Variants in SGCZ observed in about 807,000 individuals in gnomAD.
SGCZ encodes zeta-sarcoglycan.
Under a neutral mutation model 41.3 loss-of-function variants are expected in SGCZ, and 40 were observed. That is an observed-to-expected ratio of 0.97 (90% CI 0.75 to 1.26). The LOEUF (loss-of-function observed/expected upper bound fraction) is 1.26, where lower values mean the gene tolerates loss of function less well. SGCZ is among the 50% of genes most tolerant of loss of function. The pLI is 0.00. For synonymous variants in SGCZ, 206 were observed against 137.5 expected (o/e 1.50, Z -3.49); for missense variants, 552 against 369.8 (o/e 1.49, Z -4.04).
intron 1 of SGCZ, among the ~76,000 whole-genome samples, chr8:15,004,209 T>A (rs143773972): frequency 1.6e-3 from 250 of 152,100 alleles, no homozygotes; most frequent in African/African-American, 5.1e-3. Context: ...AGGAGAAAAG[T>A]CCTAAGAGAT....
intron 1 of SGCZ, among the ~76,000 whole-genome samples, chr8:14,793,295 T>G (rs909348869): frequency 6.6e-6 from 1 of 152,204 alleles, no homozygotes; most frequent in Non-Finnish European, 1.5e-5. Flanking sequence ...ATGTCCCTGC[T>G]TCCATTCCTG....
chr8:14,563,143 CCA>C (rs1371707768), intron 1 of SGCZ, among the ~76,000 whole-genome samples: 3 of 152,156 alleles, frequency 2.0e-5, no homozygotes, highest in African/African-American at 4.8e-5. Flanking sequence ...GTCGCCTCCT[CCA>C]CAGTGTGCTT....
At chr8:14,329,929 C>T (rs1198480299) in intron 2 of SGCZ, among the ~76,000 whole-genome samples, 6 of 151,820 alleles carry the variant, frequency 4.0e-5, no homozygotes, top group Admixed American at 6.6e-5. Context: ...GTTTGTTTTT[C>T]AGAACAGCTC....
At chr8:14,397,286 T>A (rs1798946202) in intron 2 of SGCZ, among the ~76,000 whole-genome samples, 2 of 152,164 alleles carry the variant, frequency 1.3e-5, no homozygotes, top group African/African-American at 4.8e-5. Flanking sequence ...TCGAATATAG[T>A]ATTTCTGATG....
chr8:15,082,744 C>A (rs1805801445), intron 1 of SGCZ, among the ~76,000 whole-genome samples: 1 of 152,094 alleles, frequency 6.6e-6, no homozygotes, highest in Admixed American at 6.6e-5. Context: ...TTCCTACCTT[C>A]TTATTAAGTC....
At chr8:14,866,105 C>T (rs906945636) in intron 1 of SGCZ, among the ~76,000 whole-genome samples, 1 of 152,030 alleles carries the variant, frequency 6.6e-6, no homozygotes, top group African/African-American at 2.4e-5. Flanking sequence ...AAAGAATCTT[C>T]ACAGGTAACA....
chr8:14,558,331 T>G (rs1250010751), intron 1 of SGCZ, among the ~76,000 whole-genome samples: 2 of 152,092 alleles, frequency 1.3e-5, no homozygotes, highest in Non-Finnish European at 2.9e-5. Context: ...TCTCAGTACT[T>G]TTGGAAGCCA....
intron 1 of SGCZ, among the ~76,000 whole-genome samples, chr8:14,783,446 G>A (rs1205107517): frequency 2.0e-5 from 3 of 149,010 alleles, no homozygotes; most frequent in Non-Finnish European, 1.5e-5. Flanking sequence ...AAAAAAAAAA[G>A]AAGGAAAGAA....
chr8:14,475,371 T>C (rs950058257), intron 2 of SGCZ, among the ~76,000 whole-genome samples: 1 of 152,168 alleles, frequency 6.6e-6, no homozygotes, highest in Non-Finnish European at 1.5e-5. Context: ...AATTTTGTAA[T>C]TTGTATATGA....
At chr8:14,355,328 A>C (rs1803255524) in intron 2 of SGCZ, among the ~76,000 whole-genome samples, 1 of 152,100 alleles carries the variant, frequency 6.6e-6, no homozygotes, top group Non-Finnish European at 1.5e-5. Flanking sequence ...ATTCCACATA[A>C]ATTCATAATT....
chr8:14,101,452 T>C lies in SGCZ; in HGVS notation c.744+924A>G, dbSNP rs117199797. ...TCCAGAATTGGTAAAAATGTGATTC[T>C]GCAGATAACAATAATCATGTATACT... On this transcript the variant is annotated intron_variant, in intron 7 of 7. Transcript: ENST00000382080. Among the ~76,000 whole-genome samples, 645 of 151,976 alleles carry C rather than the reference T, an allele frequency of 4.2e-3. 1 individual carries two copies. The highest frequency in any genetic ancestry group is 4.3e-3 in the Non-Finnish European group (291 of 67,834).
chr8:14,616,463 C>T (rs1359962509), intron 1 of SGCZ, among the ~76,000 whole-genome samples: 3 of 152,006 alleles, frequency 2.0e-5, no homozygotes, highest in African/African-American at 7.2e-5. Flanking sequence ...TAGGTTTACA[C>T]AGTAAAAAAA....
intron 1 of SGCZ, among the ~76,000 whole-genome samples, chr8:14,938,376 C>T (rs1468248659): frequency 6.6e-6 from 1 of 152,106 alleles, no homozygotes; most frequent in Admixed American, 6.6e-5. Flanking sequence ...ACCAATCCCT[C>T]CTCTTCCTCC....
chr8:15,031,025 T>G (rs773818939), intron 1 of SGCZ, among the ~76,000 whole-genome samples: 1 of 152,084 alleles, frequency 6.6e-6, no homozygotes, highest in African/African-American at 2.4e-5. Flanking sequence ...CCGAATTTTA[T>G]TTTAGTTTGT....
intron 2 of SGCZ, among the ~76,000 whole-genome samples, chr8:14,355,692 T>C (rs1046284376): frequency 6.6e-6 from 1 of 151,992 alleles, no homozygotes; most frequent in African/African-American, 2.4e-5. Flanking sequence ...TGAAGGTCAT[T>C]AACAAGTTTT....
chr8:14,579,903 T>C (rs145676178), intron 1 of SGCZ, among the ~76,000 whole-genome samples: 2 of 152,254 alleles, frequency 1.3e-5, no homozygotes, highest in Admixed American at 6.5e-5. Context: ...TAAGCAGATG[T>C]TTTATGTGCC....
intron 1 of SGCZ, among the ~76,000 whole-genome samples, chr8:14,837,713 T>C (rs971332451): frequency 6.6e-6 from 1 of 152,180 alleles, no homozygotes; most frequent in Non-Finnish European, 1.5e-5. Context: ...TTTTTTAAAT[T>C]TCTGTATATT....
intron 2 of SGCZ, among the ~76,000 whole-genome samples, chr8:14,390,613 G>A (rs1804736736): frequency 6.6e-6 from 1 of 151,734 alleles, no homozygotes; most frequent in South Asian, 2.1e-4. Flanking sequence ...GAAACAGTAT[G>A]GCATGTAGAT....
intron 2 of SGCZ, among the ~76,000 whole-genome samples, chr8:14,358,802 G>A (rs998202962): frequency 2.0e-5 from 3 of 151,854 alleles, no homozygotes; most frequent in Admixed American, 6.6e-5. Context: ...GTAGAGATGG[G>A]GTTTCACCAT....
Sources: allele counts gnomAD v4.1 joint callset (sites outside exome capture counted in the v4.1 genomes callset), GRCh38; gene constraint gnomAD v4.1.1; transcripts MANE v1.5; gene names NCBI Gene and HGNC (gene_info 2026-07-23, HGNC 2026-07-21).